The following NFU1 variants were observed in gnomAD, a reference collection of about 807,000 sequenced individuals.
The protein encoded by NFU1 is NFU1 iron-sulfur cluster scaffold homolog, mitochondrial.
In NFU1, 30 loss-of-function variants were observed where a neutral mutation model predicts 32.2. The ratio of observed to expected loss-of-function variants is 0.93; its 90% CI spans 0.70 to 1.26. The LOEUF (loss-of-function observed/expected upper bound fraction) is 1.26. Among genes scored for constraint, NFU1 ranks in the 50% most tolerant of loss-of-function variants. NFU1 has a pLI of 0.00. For synonymous variants in NFU1, 112 were observed against 104.6 expected (o/e 1.07, Z -0.43); for missense variants, 306 against 306.6 (o/e 1.00, Z 0.02).
chr2:69,403,673 G>A (rs7585758), intron 6 of NFU1, among the ~76,000 whole-genome samples: 99,777 of 151,750 alleles, frequency 0.66, 34,084 homozygotes, highest in African/African-American at 0.86. Flanking sequence ...TGTGAGCACC[G>A]TGCCCACCAT....
At chr2:69,437,108 G>A (rs921968114) in intron 1 of NFU1, among the ~76,000 whole-genome samples, 2 of 152,210 alleles carry the variant, frequency 1.3e-5, no homozygotes. Context: ...CTTCCGTACC[G>A]CAGAGACTCA....
At chr2:69,430,732 T>C (rs1402842669) in intron 2 of NFU1, among the ~76,000 whole-genome samples, 1 of 152,204 alleles carries the variant, frequency 6.6e-6, no homozygotes, top group Non-Finnish European at 1.5e-5. Flanking sequence ...TTTACAATAT[T>C]TATATCTAAG....
chr2:69,425,091 G>A (rs1673408077), intron 2 of NFU1, among the ~76,000 whole-genome samples: 1 of 151,876 alleles, frequency 6.6e-6, no homozygotes, highest in South Asian at 2.1e-4. Context: ...TGTTACCCAG[G>A]ATGGTTTTGA....
intron 6 of NFU1, among the ~76,000 whole-genome samples, chr2:69,402,198 AT>A (rs1392899425): frequency 6.6e-6 from 1 of 152,074 alleles, no homozygotes; most frequent in Non-Finnish European, 1.5e-5. Context: ...CCCAGCCACT[AT>A]TTGATCATCT....
chr2:69,419,215 G>A (rs765480985), intron 4 of NFU1, among the ~76,000 whole-genome samples: 4 of 14,208 alleles, frequency 2.8e-4, no homozygotes, highest in East Asian at 2.1e-3. Context: ...TCAGGGTGGC[G>A]GGGGGGGGCG....
intron 6 of NFU1, among the ~76,000 whole-genome samples, chr2:69,401,160 T>A (rs1672509418): frequency 6.6e-6 from 1 of 152,160 alleles, no homozygotes; most frequent in Non-Finnish European, 1.5e-5. Context: ...TATGCACAGT[T>A]CACTAAGTTT....
intron 1 of NFU1, among the ~76,000 whole-genome samples, chr2:69,436,876 A>G (rs1673857027): frequency 6.6e-6 from 1 of 150,690 alleles, no homozygotes; most frequent in African/African-American, 2.4e-5. Context: ...TCGGAATTCC[A>G]TCACTTAGAA....
chr2:69,421,886 C>G (rs1024291051), intron 3 of NFU1, among the ~76,000 whole-genome samples: 1 of 152,022 alleles, frequency 6.6e-6, no homozygotes, highest in Non-Finnish European at 1.5e-5. Context: ...CTCTAACATA[C>G]AGTAGTCCCC....
rs896495016 is a variant in NFU1 at position 69,396,519 on chromosome 2, G to A, written c.721-229C>T. Among the ~76,000 whole-genome samples, 4 of 152,152 alleles carry A rather than the reference G, an allele frequency of 2.6e-5. No homozygotes were observed. The East Asian group carries it at 7.7e-4, about 29-fold the overall frequency. On this transcript the variant is annotated intron_variant, in intron 7 of 7. Coordinates refer to ENST00000410022, the MANE Select transcript of NFU1 (RefSeq NM_001002755.4). ...TACTGAAAATACAAAAAATTAGCCA[G>A]GCGGGCGCCTGTAGTCCCAGCTACT...
At chr2:69,438,798 C>A (rs1019841047), upstream of NFU1, among the ~76,000 whole-genome samples, 1 of 152,000 alleles carries the variant, frequency 6.6e-6, no homozygotes, top group East Asian at 1.9e-4. Context: ...GCTGTGCCTC[C>A]TACGAGTTTG....
chr2:69,434,756 G>A (rs1673772379), intron 1 of NFU1, among the ~76,000 whole-genome samples: 1 of 152,188 alleles, frequency 6.6e-6, no homozygotes, highest in Non-Finnish European at 1.5e-5. Context: ...TCAAGACAGG[G>A]GATTTGCAAT....
intron 5 of NFU1, among the ~76,000 whole-genome samples, chr2:69,411,684 C>T (rs2104762674): frequency 6.6e-6 from 1 of 152,122 alleles, no homozygotes; most frequent in African/African-American, 2.4e-5. Flanking sequence ...CCTCAGCCTC[C>T]TGGGCTCAAG....
rs781124447 is a variant in NFU1, at chr2:69,400,406, G to A, written c.678C>T (p.Asn226=). The A allele has an allele frequency of 2.0e-5, 33 of 1,613,976 alleles. No homozygotes were observed. In the South Asian group the frequency reaches 3.3e-4, roughly 16 times the overall value. Reference sequence around the variant, plus strand: ...CCTCCGGAATATAAAACTGCAGCATGTTCTGAATTCCATTTTTCAGAGTAA... The same window carrying A: ...CCTCCGGAATATAAAACTGCAGCATATTCTGAATTCCATTTTTCAGAGTAA... ...SIITLKNGIQ[N]MLQFYIPEVE... is the part of the protein sequence containing the mutation. Residue 226 remains asparagine, a synonymous_variant, in exon 7 of 8, where the codon AAC becomes AAT. Coordinates refer to ENST00000410022, the MANE Select transcript of NFU1 (RefSeq NM_001002755.4).
chr2:69,406,387 C>T (rs1196310960), intron 5 of NFU1, among the ~76,000 whole-genome samples: 2 of 151,962 alleles, frequency 1.3e-5, no homozygotes, highest in East Asian at 3.9e-4. Context: ...AATATGCAGA[C>T]ATTCTCTGTT....
chr2:69,418,646 T>C (rs1007161834), intron 4 of NFU1, among the ~76,000 whole-genome samples: 5 of 151,952 alleles, frequency 3.3e-5, no homozygotes, highest in African/African-American at 1.2e-4. Context: ...TTTTTTTGTA[T>C]TTTTAGTAGA....
chr2:69,403,017 CT>C (rs1234466149), intron 6 of NFU1, among the ~76,000 whole-genome samples: 3 of 147,534 alleles, frequency 2.0e-5, no homozygotes, highest in Middle Eastern at 3.4e-3. Flanking sequence ...CCTTCACTTC[CT>C]TCCTCCCTCC....
At chr2:69,402,186 C>T (rs919769120) in intron 6 of NFU1, among the ~76,000 whole-genome samples, 1 of 152,166 alleles carries the variant, frequency 6.6e-6, no homozygotes, top group Non-Finnish European at 1.5e-5. Context: ...TCAGCCACTG[C>T]GCCCAGCCAC....
chr2:69,421,656 C>T (rs945184673), intron 3 of NFU1, among the ~76,000 whole-genome samples: 5 of 149,894 alleles, frequency 3.3e-5, no homozygotes, highest in Admixed American at 6.7e-5. Flanking sequence ...CAAGCTCTGC[C>T]TCCCGGGTTC....
At chr2:69,437,171 G>T in intron 1 of NFU1, 190 bp downstream of exon 1, 1 of 1,290,978 alleles carries the variant, frequency 7.7e-7, no homozygotes, top group Non-Finnish European at 1.0e-6. Flanking sequence ...GCCCGGATTA[G>T]GCCACAGAAG....
Sources: gnomAD v4.1 joint callset for allele counts (sites outside exome capture counted in the v4.1 genomes callset) on GRCh38, gnomAD v4.1.1 for gene constraint, MANE v1.5 for transcripts, NCBI Gene and HGNC (gene_info 2026-07-23, HGNC 2026-07-21) for gene names.